The following ZNF10 variants were observed in gnomAD, a reference collection of about 807,000 sequenced individuals.
The protein encoded by ZNF10 is zinc finger protein 10, also known as zinc finger protein 10 (KOX 1).
Under a neutral mutation model 12.2 loss-of-function variants are expected in ZNF10, and 8 were observed. That is an observed-to-expected ratio of 0.66 (90% CI 0.39 to 1.18). ZNF10 has a LOEUF of 1.18. Ranked by LOEUF, ZNF10 falls within the 50% of genes most tolerant of loss-of-function variation. The probability of loss-of-function intolerance (pLI) is 0.01; values close to 1 mark genes in which losing one functional copy is unlikely to be tolerated. For synonymous variants in ZNF10, 229 were observed against 228.2 expected (o/e 1.00, Z -0.03); for missense variants, 603 against 678.9 (o/e 0.89, Z 1.24).
chr12:133,152,480 T>A (rs1200986507), intron 4 of ZNF10, among the ~76,000 whole-genome samples: 1 of 152,194 alleles, frequency 6.6e-6, no homozygotes, highest in Non-Finnish European at 1.5e-5. Context: ...AGTGGCGCGA[T>A]CTAGGCTCAC....
chr12:133,134,992 C>T (rs1955902866), intron 1 of ZNF10, among the ~76,000 whole-genome samples: 1 of 152,162 alleles, frequency 6.6e-6, no homozygotes, highest in Non-Finnish European at 1.5e-5. Context: ...AGCCACATTT[C>T]CTTTCTCCAT....
chr12:133,144,538 T>C lies in ZNF10; in HGVS notation c.33+13T>C. On this transcript the variant is annotated intron_variant, in intron 2 of 4. Coordinates refer to ENST00000248211, the MANE Select transcript of ZNF10 (RefSeq NM_015394.5). ...TGCCTGGTCCCGGGTAAGCTGGGCT[T>C]TCTTCCCAGTTTCCAACTGGGAATT... 2 of 1,613,390 alleles carry C rather than the reference T, an allele frequency of 1.2e-6. No individual in the cohort carries two copies. The highest frequency in any genetic ancestry group is 1.7e-6 in the Non-Finnish European group (2 of 1,179,550).
chr12:133,140,662 A>G (rs998984265), intron 1 of ZNF10, among the ~76,000 whole-genome samples: 2 of 152,006 alleles, frequency 1.3e-5, no homozygotes, highest in South Asian at 4.2e-4. Flanking sequence ...GTTTATAAAC[A>G]TTGCATTTTA....
At chr12:133,149,705 A>T (rs926216253) in intron 2 of ZNF10, among the ~76,000 whole-genome samples, 4 of 148,138 alleles carry the variant, frequency 2.7e-5, no homozygotes, top group Admixed American at 6.7e-5. Context: ...TTTAATTGTT[A>T]TGTTTAGACC....
intron 4 of ZNF10, 142 bp from the exon 5 acceptor site, chr12:133,155,360 TC>T (rs1956032717): frequency 1.1e-6 from 1 of 921,598 alleles, no homozygotes; most frequent in South Asian, 1.8e-5. Flanking sequence ...GCTCCATTCT[TC>T]CTTTTCTCAT....
In ZNF10 at chr12:133,157,658, C is replaced by T. The variant is rs1180960584; in HGVS notation, c.*690C>T. ...GAGTTTTATAGTCTGTTTAATGTTG[C>T]TGTAATAATTATTTTAAGAAACTTT... On this transcript the variant is annotated 3_prime_UTR_variant, in exon 5 of 5. Coordinates refer to ENST00000248211, the MANE Select transcript of ZNF10 (RefSeq NM_015394.5). 1.3e-5 allele frequency: 2 copies of T among 152,128 alleles called. No individual in the cohort carries two copies. Among genetic ancestry groups the T allele is most frequent in the Non-Finnish European group, 2.9e-5 (2 of 68,012 alleles). 9.4% of individuals were successfully genotyped at this position (152,128 alleles called of 1,614,324 possible).
intron 2 of ZNF10, among the ~76,000 whole-genome samples, chr12:133,146,002 G>A (rs1238560087): frequency 1.3e-5 from 2 of 152,134 alleles, no homozygotes; most frequent in South Asian, 2.1e-4. Context: ...AATGCTAAAA[G>A]CACCAGGCCA....
intron 1 of ZNF10, among the ~76,000 whole-genome samples, chr12:133,141,827 A>G (rs1955945846): frequency 6.6e-6 from 1 of 152,164 alleles, no homozygotes; most frequent in Non-Finnish European, 1.5e-5. Context: ...TAAACCCGCA[A>G]GTTCAAGAAG....
intron 1 of ZNF10, among the ~76,000 whole-genome samples, chr12:133,135,462 C>T (rs1167626427): frequency 2.6e-5 from 4 of 152,174 alleles, no homozygotes; most frequent in Non-Finnish European, 2.9e-5. Context: ...TCGCAGTGTT[C>T]CAGGACTTCG....
At chr12:133,153,895 G>T (rs909442070) in intron 4 of ZNF10, among the ~76,000 whole-genome samples, 8 of 152,076 alleles carry the variant, frequency 5.3e-5, no homozygotes, top group African/African-American at 1.9e-4. Context: ...GGTGTTCCTT[G>T]GCTTGTGGAT....
In ZNF10 at chr12:133,157,013, T is replaced by C. The variant is rs201358504; in HGVS notation, c.*45T>C. On this transcript the variant is annotated 3_prime_UTR_variant, in exon 5 of 5. Transcript: ENST00000248211. ...CAAAGAGCAATGACTTTATTTTGCA[T>C]TGGAGAACTCCTGGAGATAAGCTGT... The C allele has an allele frequency of 3.4e-4, 466 of 1,384,834 alleles. 3 individuals carry two copies. The highest frequency in any genetic ancestry group is 2.1e-4 in the Middle Eastern group (1 of 4,700). The allele number at this position is 1,384,834 out of a possible 1,614,324, so 85.8% of individuals were successfully genotyped here.
chr12:133,150,564 T>C (rs1956000969), intron 2 of ZNF10, among the ~76,000 whole-genome samples: 1 of 151,598 alleles, frequency 6.6e-6, no homozygotes, highest in African/African-American at 2.4e-5. Flanking sequence ...CTCCCAACTC[T>C]TCTGTTTTTT....
At chr12:133,150,912 C>T in intron 2 of ZNF10, 116 bp from the exon 3 acceptor site, 2 of 1,277,040 alleles carry the variant, frequency 1.6e-6, no homozygotes, top group East Asian at 4.8e-5. Context: ...AATTGTGGTC[C>T]ATCCACTTTA....
chr12:133,139,841 C>G (rs1468563287), intron 1 of ZNF10, among the ~76,000 whole-genome samples: 7 of 152,040 alleles, frequency 4.6e-5, no homozygotes, highest in African/African-American at 1.7e-4. Context: ...ATGAGGACTG[C>G]TTGAGGCTAG....
chr12:133,151,736 T>G, intron 3 of ZNF10, 73 bp from the exon 4 acceptor site: 102 of 1,168,600 alleles, frequency 8.7e-5, no homozygotes, highest in Non-Finnish European at 1.2e-4. Context: ...AGGTTGAATC[T>G]GAGATGTTTC....
chr12:133,154,117 G>T (rs750118981), intron 4 of ZNF10, among the ~76,000 whole-genome samples: 2 of 142,116 alleles, frequency 1.4e-5, no homozygotes, highest in Non-Finnish European at 3.0e-5. Flanking sequence ...CCTTTTTGTC[G>T]GCGGGGGGGA....
chr12:133,151,113 G>A lies in ZNF10; in HGVS notation c.119G>A (p.Arg40Lys). Reference sequence around the variant, plus strand: ...GACACTGCTCAGCAGATCGTGTACAGAAATGTGATGCTGGAGAACTATAAG... The same window carrying A: ...GACACTGCTCAGCAGATCGTGTACAAAAATGTGATGCTGGAGAACTATAAG... ...LLDTAQQIVY[R>K]NVMLENYKNL... is the part of the protein sequence containing the mutation. Residue 40 changes from arginine (R) to lysine (K), a missense_variant, in exon 3 of 5, where the codon AGA becomes AAA. Coordinates refer to ENST00000248211, the MANE Select transcript of ZNF10 (RefSeq NM_015394.5). 1 of 1,613,832 alleles carries A rather than the reference G, an allele frequency of 6.2e-7. No individual in the cohort carries two copies. The highest frequency in any genetic ancestry group is 8.5e-7 in the Non-Finnish European group (1 of 1,179,746).
Position 133,156,398 on chromosome 12 carries a change from A to G in ZNF10, c.1152A>G (p.Lys384=), listed in dbSNP as rs776773465. The change falls in exon 5 of 5, where the codon AAA becomes AAG. Residue 384 remains lysine, a synonymous_variant. Coordinates refer to ENST00000248211, the MANE Select transcript of ZNF10 (RefSeq NM_015394.5). Reference sequence around the variant, plus strand: ...CCTATGAATGTCCTGAATGTGGGAAATCTTTCAGACAGAGCACACATCTCA... The same window carrying G: ...CCTATGAATGTCCTGAATGTGGGAAGTCTTTCAGACAGAGCACACATCTCA... ...EKPYECPECG[K]SFRQSTHLIL... The G allele has an allele frequency of 2.5e-6, 4 of 1,613,930 alleles. No individual in the cohort carries two copies. Among genetic ancestry groups the G allele is most frequent in the Non-Finnish European group, 3.4e-6 (4 of 1,179,978 alleles).
intron 2 of ZNF10, among the ~76,000 whole-genome samples, chr12:133,147,288 G>A (rs1400952129): frequency 6.6e-6 from 1 of 152,196 alleles, no homozygotes; most frequent in East Asian, 1.9e-4. Context: ...AGAATGATAG[G>A]TGTGTGCCAA....
Sources: allele counts gnomAD v4.1 joint callset (sites outside exome capture counted in the v4.1 genomes callset), GRCh38; gene constraint gnomAD v4.1.1; transcripts MANE v1.5; gene names NCBI Gene and HGNC (gene_info 2026-07-23, HGNC 2026-07-21).